Variants in CRACD observed in about 807,000 individuals in gnomAD.
CRACD encodes the protein capping protein inhibiting regulator of actin dynamics.
In CRACD, 56 loss-of-function variants were observed where a neutral mutation model predicts 106.8. That is an observed-to-expected ratio of 0.52 (90% CI 0.42 to 0.66). The LOEUF (loss-of-function observed/expected upper bound fraction) is 0.66, where lower values mean the gene tolerates loss of function less well. Ranked by LOEUF, CRACD falls within the 30% of genes least tolerant of loss-of-function variation. The pLI is 0.00. For synonymous variants in CRACD, 754 were observed against 670.8 expected, an observed-to-expected ratio of 1.12 and a Z score of -1.92; for missense variants, 1,730 against 1,623.2, an observed-to-expected ratio of 1.07 and a Z score of -1.13.
At chr4:56,099,961 G>C (rs1733725279) in intron 1 of CRACD, among the ~76,000 whole-genome samples, 1 of 152,156 alleles carries the variant, frequency 6.6e-6, no homozygotes, top group Non-Finnish European at 1.5e-5. Flanking sequence ...AAAGACAACT[G>C]GCCAGGCACG....
At chr4:56,172,692 C>T (rs1194800781) in intron 1 of CRACD, among the ~76,000 whole-genome samples, 2 of 151,816 alleles carry the variant, frequency 1.3e-5, no homozygotes, top group Admixed American at 6.6e-5. Context: ...GGCGTGATCT[C>T]GGCTCACTGC....
intron 2 of CRACD, among the ~76,000 whole-genome samples, chr4:56,236,880 C>T (rs1229099219): frequency 6.6e-6 from 1 of 152,020 alleles, no homozygotes; most frequent in Non-Finnish European, 1.5e-5. Context: ...GACCATTTTC[C>T]ACCAATCAGA....
chr4:56,089,026 A>G (rs896224212), intron 1 of CRACD, among the ~76,000 whole-genome samples: 4 of 152,160 alleles, frequency 2.6e-5, no homozygotes, highest in African/African-American at 9.7e-5. Context: ...TGCCCAGCCT[A>G]GTTTTTCTGT....
chr4:56,255,113 CAA>C (rs5858370), intron 2 of CRACD, among the ~76,000 whole-genome samples: 5,256 of 74,606 alleles, frequency 0.07, 92 homozygotes, highest in African/African-American at 0.14. Flanking sequence ...GACTCCATCT[CAA>C]AAAAAAAAAA....
intron 4 of CRACD, among the ~76,000 whole-genome samples, chr4:56,302,668 C>A (rs1744434740): frequency 6.6e-6 from 1 of 151,980 alleles, no homozygotes; most frequent in African/African-American, 2.4e-5. Context: ...TATTATTATT[C>A]ATTTTAACTA....
At chr4:56,188,911 C>A (rs551032903) in intron 2 of CRACD, among the ~76,000 whole-genome samples, 4 of 152,202 alleles carry the variant, frequency 2.6e-5, no homozygotes, top group African/African-American at 9.6e-5. Context: ...GTAGCTCACG[C>A]CTGTAATCCC....
rs1745420739 is a variant in CRACD at position 56,314,592 on chromosome 4, G to A, written c.1090G>A (p.Glu364Lys). 1 of 1,524,246 alleles carries A rather than the reference G, an allele frequency of 6.6e-7. No homozygotes were observed. The highest frequency in any genetic ancestry group is 1.4e-5 in the African/African-American group (1 of 72,322). 94.4% of individuals were successfully genotyped at this position (1,524,246 alleles called of 1,614,324 possible). ...GGAGGAGCTCAAAAGGCAGGAGGAGGAGGAGGCTGAGGGATGGGAAGAGCT... is the reference window on the plus strand; with the variant it reads ...GGAGGAGCTCAAAAGGCAGGAGGAGAAGGAGGCTGAGGGATGGGAAGAGCT... Reference protein sequence around the residue: ...CAEELKRQEEEEAEGWEELEQ... With the variant: ...CAEELKRQEEKEAEGWEELEQ... Residue 364 changes from glutamate to lysine, a missense_variant, in exon 8 of 11, where the codon GAG (glutamate) becomes AAG (lysine). Physicochemically the swap from Glu to Lys is moderately conservative, Grantham distance 56. Transcript: ENST00000682029. The surrounding 1 kb of genome is among the most constrained non-coding windows in gnomAD (Gnocchi z 4.4).
chr4:56,316,309 C>T lies in CRACD; in HGVS notation c.2807C>T (p.Pro936Leu), dbSNP rs759175356. The change falls in exon 8 of 11, where the codon CCT becomes CTT. Residue 936 changes from proline to leucine, a missense_variant. This residue lies in a region of CRACD where 1,620 missense variants were observed against 1,481.6 expected (regional missense o/e 1.09). Coordinates refer to ENST00000682029, the MANE Select transcript of CRACD (RefSeq NM_001393381.1). ...TCTGTTCCTGTGGCCCACCCTGGGC[C>T]TCCACCGGCCAGCAGCCAGACCCCG... is the stretch of plus-strand genomic sequence containing the variant. Reference protein sequence around the residue: ...SRSVPVAHPGPPPASSQTPAP... With the variant: ...SRSVPVAHPGLPPASSQTPAP... 8.7e-6 allele frequency: 14 copies of T among 1,613,888 alleles called. No homozygotes were observed. The highest frequency in any genetic ancestry group is 1.2e-5 in the Non-Finnish European group (14 of 1,179,916).
At chr4:56,059,933 C>T (rs1051325586) in intron 1 of CRACD, among the ~76,000 whole-genome samples, 12 of 152,222 alleles carry the variant, frequency 7.9e-5, no homozygotes, top group Non-Finnish European at 1.3e-4. Flanking sequence ...ATCCACTTGC[C>T]TCGGCCTCCC....
Position 56,305,535 on chromosome 4 carries a change from A to G in CRACD, c.121-2000A>G, listed in dbSNP as rs1560527736. Among the ~76,000 whole-genome samples the G allele has an allele frequency of 1.1e-4, 4 of 36,692 alleles. No homozygotes were observed. The South Asian group carries it at 3.5e-3, about 32-fold the overall frequency. 24.1% of individuals were successfully genotyped at this position (36,692 alleles called of 152,430 possible). On this transcript the variant is annotated intron_variant, in intron 4 of 10. Transcript: ENST00000682029. Reference sequence around the variant, plus strand: ...CTGCTTATTGATTTGCTTAGAGTAGATAGATACTACCTGCCACTTCCTGTT... The same window carrying G: ...CTGCTTATTGATTTGCTTAGAGTAGGTAGATACTACCTGCCACTTCCTGTT...
chr4:56,125,900 T>C (rs1410940928), intron 1 of CRACD, among the ~76,000 whole-genome samples: 1 of 151,070 alleles, frequency 6.6e-6, no homozygotes, highest in African/African-American at 2.4e-5. Context: ...GCCTCCCGAG[T>C]AGCTGGGATT....
chr4:56,143,586 T>TTA (rs1735278792), intron 1 of CRACD, among the ~76,000 whole-genome samples: 1 of 152,122 alleles, frequency 6.6e-6, no homozygotes, highest in Admixed American at 6.5e-5. Flanking sequence ...TTCATGATCA[T>TTA]TTATCAAAAT....
chr4:56,313,471 TA>T, intron 7 of CRACD, 92 bp downstream of exon 7: 1 of 1,145,602 alleles, frequency 8.7e-7, no homozygotes, highest in Non-Finnish European at 1.2e-6. Context: ...TGGAGCCATG[TA>T]AAGACCTGAG....
At chr4:56,235,608 C>A (rs376178991) in intron 2 of CRACD, among the ~76,000 whole-genome samples, 1 of 152,144 alleles carries the variant, frequency 6.6e-6, no homozygotes, top group Non-Finnish European at 1.5e-5. Context: ...GAAAGTCATA[C>A]GCTACATGCT....
intron 2 of CRACD, among the ~76,000 whole-genome samples, chr4:56,269,894 G>T (rs1252869533): frequency 6.6e-6 from 1 of 152,106 alleles, no homozygotes; most frequent in African/African-American, 2.4e-5. Flanking sequence ...GAGATGTAGA[G>T]GGAACAACAT....
intron 2 of CRACD, among the ~76,000 whole-genome samples, chr4:56,213,095 C>CT (rs1738492054): frequency 6.6e-6 from 1 of 151,956 alleles, no homozygotes; most frequent in Non-Finnish European, 1.5e-5. Context: ...CTGTAAGCTC[C>CT]ACTTTGGATC....
chr4:56,161,569 A>G (rs1735958112), intron 1 of CRACD, among the ~76,000 whole-genome samples: 1 of 151,624 alleles, frequency 6.6e-6, no homozygotes, highest in Non-Finnish European at 1.5e-5. Context: ...CTGCTGCCTC[A>G]GCCTCCCAAG....
intron 2 of CRACD, among the ~76,000 whole-genome samples, chr4:56,203,374 G>A (rs1402229795): frequency 6.6e-6 from 1 of 152,150 alleles, no homozygotes; most frequent in Non-Finnish European, 1.5e-5. Context: ...CTTGTAAGAG[G>A]ACCAGTTGGA....
chr4:56,226,360 G>A (rs10018245), intron 2 of CRACD, among the ~76,000 whole-genome samples: 61,300 of 151,936 alleles, frequency 0.4, 12,942 homozygotes, highest in African/African-American at 0.54. Flanking sequence ...GGTATATTGC[G>A]CTGCAGATCA....
Sources: gnomAD v4.1 joint callset for allele counts (sites outside exome capture counted in the v4.1 genomes callset) on GRCh38, gnomAD v4.1.1 for gene constraint, gnomAD v4.1.1 regional missense constraint, Gnocchi (gnomAD v3.1) non-coding constraint, MANE v1.5 for transcripts, NCBI Gene and HGNC (gene_info 2026-07-23, HGNC 2026-07-21) for gene names.